The following PIAS2 variants were observed in gnomAD, a reference collection of about 807,000 sequenced individuals.
PIAS2 encodes E3 SUMO-protein ligase PIAS2.
In PIAS2, 19 loss-of-function variants were observed where a neutral mutation model predicts 69.7. The observed-to-expected ratio is 0.27, with a 90% CI of 0.19 to 0.40. PIAS2 has a LOEUF of 0.40. PIAS2 is among the 10% of genes least tolerant of loss of function. The pLI is 1.00. For missense variants in PIAS2, 624 were observed against 757.0 expected (o/e 0.82, Z 2.06); for synonymous variants, 261 against 263.2 (o/e 0.99, Z 0.08).
chr18:46,852,581 A>C (rs1381718748), intron 5 of PIAS2: 1 of 152,238 alleles, frequency 6.6e-6, no homozygotes, highest in African/African-American at 2.4e-5. Flanking sequence ...GACAGAAATC[A>C]GCAGTAACTA....
At chr18:46,816,259 T>C (rs530148382) in intron 12 of PIAS2, 129 of 978,690 alleles carry the variant, frequency 1.3e-4, no homozygotes, top group Non-Finnish European at 1.5e-4. Context: ...TATGCTTTTA[T>C]GCAAAATAGA....
At chr18:46,843,430 G>A (rs1355135500) in intron 8 of PIAS2, among the ~76,000 whole-genome samples, 1 of 152,090 alleles carries the variant, frequency 6.6e-6, no homozygotes, top group Non-Finnish European at 1.5e-5. Context: ...ATCTCCTCTT[G>A]GTAGTAAAAC....
intron 1 of PIAS2, 94 bp downstream of exon 1, chr18:46,917,228 G>A (rs1314156191): frequency 7.9e-6 from 11 of 1,393,198 alleles, no homozygotes; most frequent in Non-Finnish European, 9.5e-6. Context: ...ACCGGCCCCA[G>A]AGGCACGAGC....
At chr18:46,898,056 T>G (rs2055180522) in intron 1 of PIAS2, among the ~76,000 whole-genome samples, 1 of 151,940 alleles carries the variant, frequency 6.6e-6, no homozygotes, top group South Asian at 2.1e-4. Flanking sequence ...AGTCTCCCTG[T>G]GTTGTCCGGG....
chr18:46,841,940 A>C (rs541871158), intron 8 of PIAS2, among the ~76,000 whole-genome samples: 1 of 152,322 alleles, frequency 6.6e-6, no homozygotes, highest in South Asian at 2.1e-4. Context: ...ACTATTATTG[A>C]AAGTTTGGCT....
upstream of PIAS2, among the ~76,000 whole-genome samples, chr18:46,919,600 G>A (rs1186363088): frequency 6.6e-6 from 1 of 152,134 alleles, no homozygotes; most frequent in Non-Finnish European, 1.5e-5. Context: ...AGTGAGCTGC[G>A]ATCGCACCAT....
At position 46,810,463 on chromosome 18, in the gene PIAS2, T is replaced by G. The variant is rs2040926348; in HGVS notation, c.*1970A>C. On this transcript the variant is annotated 3_prime_UTR_variant, in exon 14 of 14. Transcript: ENST00000585916. ...TGTATTTAGAGCAGCAACATAAAAC[T>G]TTATTAGAAAGAAATACTATATCTG... 1 of 152,122 alleles carries G rather than the reference T, an allele frequency of 6.6e-6. No homozygotes were observed. The highest frequency in any genetic ancestry group is 1.5e-5 in the Non-Finnish European group (1 of 68,018). The allele number at this position is 152,122 out of a possible 1,614,324, so 9.4% of individuals were successfully genotyped here.
chr18:46,852,892 G>T (rs1219628216), intron 5 of PIAS2: 1 of 152,236 alleles, frequency 6.6e-6, no homozygotes, highest in Non-Finnish European at 1.5e-5. Context: ...AGCCTTCAAG[G>T]TGAGTCCACA....
In PIAS2 at chr18:46,915,630, C is replaced by T. The variant is rs565383486; in HGVS notation, c.24+1692G>A. 2.0e-5 allele frequency: 3 copies of T among 152,282 alleles called. No individual in the cohort carries two copies. The South Asian group carries it at 6.2e-4, about 32-fold the overall frequency. The allele number at this position is 152,282 out of a possible 1,614,324, so 9.4% of individuals were successfully genotyped here. On this transcript the variant is annotated intron_variant, in intron 1 of 13. Coordinates refer to ENST00000585916, the MANE Select transcript of PIAS2 (RefSeq NM_004671.5). ...CAGAAAGGAAGAGAAAAAAAAGCTT[C>T]TTTGGTTTCTATCACTTTCCAGTTG...
rs1436407411 is a variant in PIAS2, at chr18:46,810,437, C to G, written c.*1996G>C. On this transcript the variant is annotated 3_prime_UTR_variant, in exon 14 of 14. Coordinates refer to ENST00000585916, the MANE Select transcript of PIAS2 (RefSeq NM_004671.5). ...ATTACAGAGTCAATAAATATTGCAT[C>G]TGTATTTAGAGCAGCAACATAAAAC... is the stretch of plus-strand genomic sequence containing the variant. 6.6e-6 allele frequency: 1 copy of G among 152,100 alleles called. No individual in the cohort carries two copies. Among genetic ancestry groups the G allele is most frequent in the African/African-American group, 2.4e-5 (1 of 41,426 alleles). The allele number at this position is 152,100 out of a possible 1,614,324, so 9.4% of individuals were successfully genotyped here. A position where few individuals can be genotyped will look rare whatever the true frequency, so the allele number is the denominator to read the frequency against.
At chr18:46,864,967 A>C (rs1599926317) in intron 2 of PIAS2, among the ~76,000 whole-genome samples, 1 of 152,096 alleles carries the variant, frequency 6.6e-6, no homozygotes, top group African/African-American at 2.4e-5. Context: ...TAATTACACA[A>C]AACACTCATA....
intron 1 of PIAS2, chr18:46,905,706 C>T (rs2056508266): frequency 6.6e-6 from 1 of 152,064 alleles, no homozygotes; most frequent in Non-Finnish European, 1.5e-5. Context: ...ATGAAATGAA[C>T]AACTTTCTAT....
intron 3 of PIAS2, among the ~76,000 whole-genome samples, chr18:46,860,951 C>T (rs2048567473): frequency 1.3e-5 from 2 of 152,094 alleles, no homozygotes; most frequent in Non-Finnish European, 2.9e-5. Context: ...GCACTCCAGC[C>T]TGGGCAACAG....
At chr18:46,831,610 CAT>C (rs1222612313) in intron 9 of PIAS2, among the ~76,000 whole-genome samples, 1 of 152,156 alleles carries the variant, frequency 6.6e-6, no homozygotes, top group East Asian at 1.9e-4. Flanking sequence ...GCAGTATTGA[CAT>C]AACTACAGAC....
At chr18:46,874,188 C>T (rs532435915) in intron 2 of PIAS2, among the ~76,000 whole-genome samples, 5 of 152,234 alleles carry the variant, frequency 3.3e-5, no homozygotes, top group East Asian at 3.9e-4. Context: ...AACCACCCAT[C>T]GGAGGAAGAA....
rs2058110243 is a variant in PIAS2, at chr18:46,917,435, C to T, written c.-90G>A. On this transcript the variant is annotated 5_prime_UTR_variant, in exon 1 of 14. Transcript: ENST00000585916. ...CTGCCGCCACCACGGCCGCCGCCGCCTCCAGCACCATCCTGCACTGGGCGC... is the reference window on the plus strand; with the variant it reads ...CTGCCGCCACCACGGCCGCCGCCGCTTCCAGCACCATCCTGCACTGGGCGC... The T allele has an allele frequency of 2.1e-5, 28 of 1,353,264 alleles. 1 individual carries two copies. The South Asian group carries it at 4.1e-4, about 20-fold the overall frequency. The allele number at this position is 1,353,264 out of a possible 1,614,324, so 83.8% of individuals were successfully genotyped here.
At chr18:46,899,817 A>G (rs2055510017) in intron 1 of PIAS2, among the ~76,000 whole-genome samples, 1 of 150,986 alleles carries the variant, frequency 6.6e-6, no homozygotes, top group African/African-American at 2.5e-5. Flanking sequence ...GTGGGGAGGG[A>G]GGTAGTCAAC....
chr18:46,874,950 A>G (rs1015650864), intron 2 of PIAS2, among the ~76,000 whole-genome samples: 1 of 152,144 alleles, frequency 6.6e-6, no homozygotes, highest in Non-Finnish European at 1.5e-5. Flanking sequence ...GGGGATGGAC[A>G]GACCACACGC....
intron 1 of PIAS2, among the ~76,000 whole-genome samples, chr18:46,897,223 G>T (rs770149104): frequency 6.6e-6 from 1 of 152,094 alleles, no homozygotes; most frequent in South Asian, 2.1e-4. Context: ...GTAAAAAAGC[G>T]GTTATGGCAT....
Sources: allele counts gnomAD v4.1 joint callset (sites outside exome capture counted in the v4.1 genomes callset), GRCh38; gene constraint gnomAD v4.1.1; transcripts MANE v1.5; gene names NCBI Gene and HGNC (gene_info 2026-07-23, HGNC 2026-07-21).